The following FRMD5 variants were observed in gnomAD, a reference collection of about 807,000 sequenced individuals.
FRMD5 encodes the protein FERM domain containing 5.
In FRMD5, 20 loss-of-function variants were observed where a neutral mutation model predicts 69.0. The observed-to-expected ratio is 0.29, with a 90% confidence interval of 0.20 to 0.42. FRMD5 has a LOEUF of 0.42. FRMD5 is among the 10% of genes least tolerant of loss of function. The probability of loss-of-function intolerance (pLI) is 1.00; values close to 1 mark genes in which losing one functional copy is unlikely to be tolerated. For missense variants in FRMD5, 595 were observed against 708.6 expected, an observed-to-expected ratio of 0.84 and a Z score of 1.82; for synonymous variants, 271 against 260.1, an observed-to-expected ratio of 1.04 and a Z score of -0.40.
At chr15:43,922,592 C>G (rs965555133) in intron 2 of FRMD5, among the ~76,000 whole-genome samples, 1 of 152,072 alleles carries the variant, frequency 6.6e-6, no homozygotes, top group Non-Finnish European at 1.5e-5. Context: ...AACCAATGAA[C>G]AGGATACAAT....
intron 1 of FRMD5, among the ~76,000 whole-genome samples, chr15:43,987,244 C>T (rs1889438362): frequency 6.6e-6 from 1 of 152,164 alleles, no homozygotes; most frequent in Non-Finnish European, 1.5e-5. Flanking sequence ...AATGATTAAG[C>T]TTAATGAGAA....
chr15:44,191,618 T>C (rs1026171949), intron 1 of FRMD5, among the ~76,000 whole-genome samples: 25 of 151,470 alleles, frequency 1.7e-4, no homozygotes, highest in Admixed American at 3.3e-4. Context: ...AAATAATCTA[T>C]TCCTTATAAG....
intron 8 of FRMD5, among the ~76,000 whole-genome samples, chr15:43,889,637 C>T (rs1031050526): frequency 6.6e-6 from 1 of 152,196 alleles, no homozygotes; most frequent in Non-Finnish European, 1.5e-5. Flanking sequence ...CCTCCACATC[C>T]ACCTCCTGCT....
At position 44,132,102 on chromosome 15, in the gene FRMD5, C is replaced by A. The variant is rs182028195; in HGVS notation, c.102+62851G>T. Among the ~76,000 whole-genome samples, 389 of 152,198 alleles carry A rather than the reference C, an allele frequency of 2.6e-3. 1 individual carries two copies. Among genetic ancestry groups the A allele is most frequent in the Non-Finnish European group, 4.1e-3 (277 of 68,022 alleles). On this transcript the variant is annotated intron_variant, in intron 1 of 13. Transcript: ENST00000417257. Reference sequence around the variant, plus strand: ...AGGCATTACATTCTCATAAGGAGTGCGCAGCCTAGATCCCTTGCATGGGCA... The same window carrying A: ...AGGCATTACATTCTCATAAGGAGTGAGCAGCCTAGATCCCTTGCATGGGCA...
At chr15:43,942,559 G>C (rs919346773) in intron 1 of FRMD5, among the ~76,000 whole-genome samples, 7 of 152,120 alleles carry the variant, frequency 4.6e-5, no homozygotes, top group African/African-American at 1.7e-4. Flanking sequence ...TACTCATCTG[G>C]AACAATGGAA....
chr15:43,886,958 G>A (rs570041473), intron 10 of FRMD5, among the ~76,000 whole-genome samples: 29 of 151,432 alleles, frequency 1.9e-4, no homozygotes, highest in African/African-American at 6.8e-4. Context: ...TGCAGGCAGG[G>A]CTGGGTGGGT....
At chr15:44,045,493 A>T (rs550043774) in intron 1 of FRMD5, among the ~76,000 whole-genome samples, 1 of 152,194 alleles carries the variant, frequency 6.6e-6, no homozygotes, top group Admixed American at 6.5e-5. Context: ...AGAATCAATT[A>T]AAAAAAGCAA....
intron 1 of FRMD5, among the ~76,000 whole-genome samples, chr15:43,940,574 C>T (rs767636490): frequency 6.6e-6 from 1 of 152,050 alleles, no homozygotes; most frequent in Non-Finnish European, 1.5e-5. Context: ...GGTACAAGGA[C>T]GTCGGTTGCA....
intron 1 of FRMD5, among the ~76,000 whole-genome samples, chr15:44,158,741 G>A (rs1261929805): frequency 6.6e-6 from 1 of 152,196 alleles, no homozygotes; most frequent in Non-Finnish European, 1.5e-5. Flanking sequence ...TCCATTCAAT[G>A]CTAGCATGTG....
intron 1 of FRMD5, among the ~76,000 whole-genome samples, chr15:44,140,487 G>A (rs955898637): frequency 2.0e-5 from 3 of 151,912 alleles, no homozygotes; most frequent in Admixed American, 2.0e-4. Flanking sequence ...GGAGGTCCCA[G>A]ACAATACAAT....
intron 1 of FRMD5, among the ~76,000 whole-genome samples, chr15:44,056,400 T>C (rs900566645): frequency 2.6e-5 from 4 of 152,176 alleles, no homozygotes; most frequent in African/African-American, 9.7e-5. Context: ...GGCTAGTCAG[T>C]TCATCTGCAA....
chr15:44,103,896 T>C (rs1411842831), intron 1 of FRMD5, among the ~76,000 whole-genome samples: 1 of 152,254 alleles, frequency 6.6e-6, no homozygotes, highest in Non-Finnish European at 1.5e-5. Flanking sequence ...AATGCGTTAC[T>C]CATATGTTTG....
intron 1 of FRMD5, among the ~76,000 whole-genome samples, chr15:44,011,061 T>C (rs969912114): frequency 6.6e-6 from 1 of 151,970 alleles, no homozygotes. Context: ...GACAGAACAT[T>C]TGGCTAGTGG....
At chr15:44,033,745 A>G (rs1032140387) in intron 1 of FRMD5, among the ~76,000 whole-genome samples, 3 of 152,232 alleles carry the variant, frequency 2.0e-5, no homozygotes, top group Admixed American at 2.0e-4. Context: ...CCTTGAGTTC[A>G]AATTCTGATT....
rs2140321808 is a variant in FRMD5, at chr15:43,871,614, A to C, written c.*2271T>G. The C allele has an allele frequency of 6.6e-6, 1 of 152,340 alleles. No individual in the cohort carries two copies. The highest frequency in any genetic ancestry group is 3.4e-3 in the Middle Eastern group (1 of 294). 9.4% of individuals were successfully genotyped at this position (152,340 alleles called of 1,614,324 possible). Reference sequence around the variant, plus strand: ...CTTTGCTATGTAGATGACAAGTGGCAGTGGCTAGTTGATTTTAACTGACCC... The same window carrying C: ...CTTTGCTATGTAGATGACAAGTGGCCGTGGCTAGTTGATTTTAACTGACCC... On this transcript the variant is annotated 3_prime_UTR_variant, in exon 14 of 14. Coordinates refer to ENST00000417257, the MANE Select transcript of FRMD5 (RefSeq NM_032892.5).
intron 1 of FRMD5, among the ~76,000 whole-genome samples, chr15:44,018,646 C>T (rs76639963): frequency 0.026 from 3,886 of 152,268 alleles, 88 homozygotes; most frequent in Non-Finnish European, 0.04. Context: ...AGGAGTGAGA[C>T]AAAGTGTACA....
intron 1 of FRMD5, among the ~76,000 whole-genome samples, chr15:43,938,842 C>T (rs570623229): frequency 2.0e-5 from 3 of 152,032 alleles, no homozygotes; most frequent in African/African-American, 7.2e-5. Flanking sequence ...CTTAATGACA[C>T]CATGCTCATC....
At chr15:44,167,452 C>T (rs2077729090) in intron 1 of FRMD5, among the ~76,000 whole-genome samples, 1 of 152,152 alleles carries the variant, frequency 6.6e-6, no homozygotes, top group Non-Finnish European at 1.5e-5. Context: ...TCTCTCTGCC[C>T]TAGACACCTG....
At chr15:43,952,477 A>G (rs1332492756) in intron 1 of FRMD5, among the ~76,000 whole-genome samples, 3 of 152,204 alleles carry the variant, frequency 2.0e-5, no homozygotes, top group Non-Finnish European at 2.9e-5. Context: ...GGGTATTGCA[A>G]ACCAATAACA....
Sources: gnomAD v4.1 joint callset for allele counts (sites outside exome capture counted in the v4.1 genomes callset) on GRCh38, gnomAD v4.1.1 for gene constraint, MANE v1.5 for transcripts, NCBI Gene and HGNC (gene_info 2026-07-23, HGNC 2026-07-21) for gene names.